The following CCNY variants were observed in gnomAD, a reference collection of about 807,000 sequenced individuals.
The protein encoded by CCNY is cyclin-Y.
CCNY carries 19 observed loss-of-function variants against 42.8 expected under a neutral mutation model. That is an observed-to-expected ratio of 0.44 (90% confidence interval 0.31 to 0.65). CCNY has a LOEUF of 0.65. Among genes scored for constraint, CCNY ranks in the 30% least tolerant of loss-of-function variants. CCNY has a pLI of 0.07. For missense variants in CCNY, 370 were observed against 437.3 expected, an observed-to-expected ratio of 0.85 and a Z score of 1.37; for synonymous variants, 165 against 162.7, an observed-to-expected ratio of 1.01 and a Z score of -0.11.
intron 1 of CCNY, among the ~76,000 whole-genome samples, chr10:35,400,281 G>A (rs988962698): frequency 6.6e-6 from 1 of 151,628 alleles, no homozygotes; most frequent in African/African-American, 2.4e-5. Flanking sequence ...GGGGCGGCGG[G>A]GGTGGTGGGG....
chr10:35,327,726 T>G (rs1311598490), intron 3 of CCNY: 2 of 152,298 alleles, frequency 1.3e-5, no homozygotes, highest in Non-Finnish European at 2.9e-5. Flanking sequence ...AACTCTACAC[T>G]TTGGAGGAGG....
rs142081694 is a variant in CCNY, at chr10:35,290,070, C to A, written c.-9+39444C>A. 5.6e-3 allele frequency among the ~76,000 whole-genome samples: 840 copies of A among 151,318 alleles called. 2 individuals are homozygous for A. The highest frequency in any genetic ancestry group is 0.016 in the African/African-American group (644 of 41,210). On this transcript the variant is annotated intron_variant, in intron 3 of 11. Coordinates refer to the CCNY transcript ENST00000374706. ...GGAACCCTGCTGTCTACTAAAAATA[C>A]AAAAAATTAGCCTGGCGTGGTGGCA...
chr10:35,333,978 A>C (rs1452324444), upstream of CCNY, among the ~76,000 whole-genome samples: 4 of 147,772 alleles, frequency 2.7e-5, no homozygotes, highest in Non-Finnish European at 5.9e-5. Context: ...CTCTAAATTA[A>C]AGTCCAAACA....
At chr10:35,450,761 T>C (rs1261355610) in intron 1 of CCNY, among the ~76,000 whole-genome samples, 1 of 152,156 alleles carries the variant, frequency 6.6e-6, no homozygotes, top group Non-Finnish European at 1.5e-5. Flanking sequence ...AATGCCTATT[T>C]ATTTAAATTC....
intron 1 of CCNY, among the ~76,000 whole-genome samples, chr10:35,426,242 C>A (rs1270893536): frequency 6.6e-6 from 1 of 151,900 alleles, no homozygotes; most frequent in Non-Finnish European, 1.5e-5. Context: ...CATTCACACA[C>A]ACACACACAC....
intron 1 of CCNY, among the ~76,000 whole-genome samples, chr10:35,380,647 A>T (rs529515333): frequency 6.6e-5 from 10 of 152,206 alleles, no homozygotes; most frequent in Non-Finnish European, 1.3e-4. Context: ...TCACCTCCCA[A>T]TAGCCTTTTG....
At chr10:35,288,770 G>T (rs1280135979) in intron 3 of CCNY, among the ~76,000 whole-genome samples, 1 of 152,086 alleles carries the variant, frequency 6.6e-6, no homozygotes, top group Non-Finnish European at 1.5e-5. Context: ...TTTAATCTCT[G>T]TTGGAAATCA....
At chr10:35,348,639 C>A (rs1836359965) in intron 1 of CCNY, among the ~76,000 whole-genome samples, 1 of 152,192 alleles carries the variant, frequency 6.6e-6, no homozygotes, top group Non-Finnish European at 1.5e-5. Context: ...GACCCCATTG[C>A]AAGATAGCAG....
intron 1 of CCNY, among the ~76,000 whole-genome samples, chr10:35,393,220 C>G (rs1350711758): frequency 6.6e-6 from 1 of 152,130 alleles, no homozygotes; most frequent in Admixed American, 6.5e-5. Context: ...TTACACAGAT[C>G]TAGTAAAGAG....
At chr10:35,457,650 G>A (rs536321218) in intron 1 of CCNY, among the ~76,000 whole-genome samples, 200 of 151,542 alleles carry the variant, frequency 1.3e-3, no homozygotes, top group African/African-American at 4.4e-3. Flanking sequence ...GCACAGTCTC[G>A]GCTCAATGCA....
chr10:35,443,042 A>G (rs949149388), intron 1 of CCNY, among the ~76,000 whole-genome samples: 1 of 152,230 alleles, frequency 6.6e-6, no homozygotes, highest in Non-Finnish European at 1.5e-5. Context: ...AAACATGGAA[A>G]AGGTACAGTA....
intron 1 of CCNY, among the ~76,000 whole-genome samples, chr10:35,442,779 C>T (rs976119830): frequency 3.3e-5 from 5 of 152,088 alleles, no homozygotes; most frequent in African/African-American, 4.8e-5. Flanking sequence ...CATATACAGT[C>T]GTGTCACTTA....
intron 3 of CCNY, among the ~76,000 whole-genome samples, chr10:35,318,795 T>C (rs1357900601): frequency 6.6e-6 from 1 of 150,420 alleles, no homozygotes; most frequent in Non-Finnish European, 1.5e-5. Context: ...ATTAAACCAA[T>C]GTAAACCAAA....
intron 3 of CCNY, among the ~76,000 whole-genome samples, chr10:35,292,218 T>C (rs1212952332): frequency 1.3e-5 from 2 of 152,190 alleles, no homozygotes; most frequent in Non-Finnish European, 2.9e-5. Flanking sequence ...CTTTTCATTA[T>C]TGAGTTATAA....
At chr10:35,382,889 A>C (rs992007801) in intron 1 of CCNY, among the ~76,000 whole-genome samples, 2 of 152,126 alleles carry the variant, frequency 1.3e-5, no homozygotes, top group African/African-American at 4.8e-5. Context: ...AAGGTAAAAA[A>C]CAAACAAACA....
At chr10:35,548,288 T>G (rs957944926) in intron 7 of CCNY, among the ~76,000 whole-genome samples, 2 of 145,090 alleles carry the variant, frequency 1.4e-5, no homozygotes, top group African/African-American at 2.5e-5. Flanking sequence ...ATATATATAT[T>G]TATGTATATA....
At chr10:35,257,702 T>A (rs952378807) in intron 3 of CCNY, among the ~76,000 whole-genome samples, 1 of 152,212 alleles carries the variant, frequency 6.6e-6, no homozygotes, top group Non-Finnish European at 1.5e-5. Flanking sequence ...CTGATTCTAA[T>A]GTGTCTTGGT....
intron 1 of CCNY, among the ~76,000 whole-genome samples, chr10:35,458,204 C>T (rs1283901001): frequency 2.0e-5 from 3 of 152,160 alleles, no homozygotes; most frequent in Non-Finnish European, 2.9e-5. Flanking sequence ...GTCCCAAGGA[C>T]CCCACCCATT....
chr10:35,296,247 T>C lies in CCNY; in HGVS notation c.-9+45621T>C, dbSNP rs138965623. 3.9e-5 allele frequency among the ~76,000 whole-genome samples: 6 copies of C among 152,198 alleles called. No individual in the cohort carries two copies. In the East Asian group the frequency reaches 9.7e-4, roughly 24 times the overall value. Reference sequence around the variant, plus strand: ...GTCAATGAACCCAGGAATTGTTTCTTTGGAAAAGTTAGTAAGATAGACCAC... The same window carrying C: ...GTCAATGAACCCAGGAATTGTTTCTCTGGAAAAGTTAGTAAGATAGACCAC... On this transcript the variant is annotated intron_variant, in intron 3 of 11. Coordinates refer to the CCNY transcript ENST00000374706.
Sources: gnomAD v4.1 joint callset for allele counts (sites outside exome capture counted in the v4.1 genomes callset) on GRCh38, gnomAD v4.1.1 for gene constraint, MANE v1.5 for transcripts, NCBI Gene and HGNC (gene_info 2026-07-23, HGNC 2026-07-21) for gene names.